Variants in ZAN observed in about 807,000 individuals in gnomAD.
ZAN encodes zonadhesin (gene/pseudogene).
ZAN carries 260 observed loss-of-function variants against 286.2 expected under a neutral mutation model. That is an observed-to-expected ratio of 0.91 (90% CI 0.82 to 1.01). The LOEUF is 1.01. Among genes scored for constraint, ZAN ranks in the 50% least tolerant of loss-of-function variants. ZAN has a pLI of 0.00. For synonymous variants in ZAN, 1,368 were observed against 1,417.5 expected, an observed-to-expected ratio of 0.97 and a Z score of 0.79; for missense variants, 3,410 against 3,639.2, an observed-to-expected ratio of 0.94 and a Z score of 1.62.
intron 7 of ZAN, among the ~76,000 whole-genome samples, chr7:100,745,054 T>G (rs1170855194): frequency 6.6e-6 from 1 of 151,580 alleles, no homozygotes; most frequent in Non-Finnish European, 1.5e-5. Flanking sequence ...CGGCTAATTT[T>G]TGTACTTTTA....
intron 35 of ZAN, among the ~76,000 whole-genome samples, chr7:100,781,216 C>A (rs1811176112): frequency 6.6e-6 from 1 of 151,918 alleles, no homozygotes; most frequent in African/African-American, 2.4e-5. Context: ...TGCAGGCACG[C>A]ACCACCACAC....
rs998689053 is a variant in ZAN, at chr7:100,787,999, C to T, written c.7090C>T (p.Leu2364=). ...TGTTCTGATCAAGACTGTGGACGTA[C>T]TGCCTGAGGGGGTGGAGCCCCTCCT... ...TYVLIKTVDV[L]PEGVEPLLVE... The change falls in exon 38 of 48, where the codon CTG becomes TTG. Residue 2364 remains leucine (L), a synonymous_variant. Transcript: ENST00000613979. 3 of 1,565,330 alleles carry T rather than the reference C, an allele frequency of 1.9e-6. No homozygotes were observed. The highest frequency in any genetic ancestry group is 1.2e-5 in the South Asian group (1 of 85,706).
intron 22 of ZAN, among the ~76,000 whole-genome samples, 174 bp downstream of exon 22, chr7:100,764,370 C>T (rs1413340434): frequency 6.6e-6 from 1 of 152,184 alleles, no homozygotes; most frequent in Non-Finnish European, 1.5e-5. Flanking sequence ...TGGCATATGC[C>T]TGTAGTCCCA....
At position 100,736,929 on chromosome 7, in the gene ZAN, G is replaced by A. The variant is rs1305662603; in HGVS notation, c.374G>A (p.Gly125Glu). 6.0e-6 allele frequency: 9 copies of A among 1,499,578 alleles called. 1 individual carries two copies. In the East Asian group the frequency reaches 2.1e-4, roughly 35 times the overall value. 92.9% of individuals were successfully genotyped at this position (1,499,578 alleles called of 1,614,324 possible). The stretch of plus-strand genomic sequence containing the variant: ...GTGCACTTTGCCCACCACATGTTCG[G>A]GCTGTCTTGGGGCGCCCAGCTCAGG... ...LCVHFAHHMF[G>E]LSWGAQLRLL... The change falls in exon 5 of 48, where the codon GGG becomes GAG. Residue 125 changes from glycine (G) to glutamate (E), a missense_variant. By Grantham distance (98) the Gly-to-Glu change is moderately conservative. This residue lies in a region of ZAN where 872 missense variants were observed against 938.9 expected (regional missense o/e 0.93). Coordinates refer to ENST00000613979, the MANE Select transcript of ZAN (RefSeq NM_003386.3).
chr7:100,755,545 GT>G, intron 15 of ZAN, 135 bp downstream of exon 15: 1 of 988,174 alleles, frequency 1.0e-6, no homozygotes, highest in Non-Finnish European at 1.5e-6. Context: ...AGAAGCAATG[GT>G]TACATGATGG....
At chr7:100,791,161 T>G in intron 40 of ZAN, 48 bp downstream of exon 40, 4 of 1,575,638 alleles carry the variant, frequency 2.5e-6, no homozygotes, top group Non-Finnish European at 3.4e-6. Context: ...CAACAATGTC[T>G]GTGCACGGTG....
At chr7:100,762,745 T>C (rs1809686002) in intron 20 of ZAN, among the ~76,000 whole-genome samples, 1 of 71,456 alleles carries the variant, frequency 1.4e-5, no homozygotes, top group Non-Finnish European at 3.1e-5. Context: ...CCACCCGCCC[T>C]TTTTTTTTTT....
At chr7:100,744,028 GTTC>G (rs1016586385) in intron 7 of ZAN, among the ~76,000 whole-genome samples, 1 of 150,744 alleles carries the variant, frequency 6.6e-6, no homozygotes, top group African/African-American at 2.5e-5. Flanking sequence ...ATATCTCTTT[GTTC>G]TTCTTTTCCC....
In ZAN at chr7:100,768,709, C is replaced by T. The variant is rs771721992; in HGVS notation, c.5141C>T (p.Ser1714Phe). 2 of 1,600,294 alleles carry T rather than the reference C, an allele frequency of 1.2e-6. No individual in the cohort carries two copies. Among genetic ancestry groups the T allele is most frequent in the South Asian group, 2.3e-5 (2 of 88,782 alleles). The change falls in exon 27 of 48, where the codon TCC becomes TTC. Residue 1714 changes from serine to phenylalanine, a missense_variant. Coordinates refer to ENST00000613979, the MANE Select transcript of ZAN (RefSeq NM_003386.3). ...GGGGCCGCCTGGAAGTTACCTGAATCCTCTGAACCTGGGTGAGCTGGGGGT... is the reference window on the plus strand; with the variant it reads ...GGGGCCGCCTGGAAGTTACCTGAATTCTCTGAACCTGGGTGAGCTGGGGGT... Reference protein sequence around the residue: ...QLGAAWKLPESSEPGCFLVGG... With the variant: ...QLGAAWKLPEFSEPGCFLVGG...
chr7:100,738,403 G>T, intron 6 of ZAN, 58 bp from the exon 7 acceptor site: 1 of 1,384,210 alleles, frequency 7.2e-7, no homozygotes, highest in East Asian at 2.6e-5. Flanking sequence ...GGGTGACAGA[G>T]ACCCTGTCTC....
chr7:100,767,909 C>T lies in ZAN; in HGVS notation c.4939C>T (p.Leu1647Phe). The T allele has an allele frequency of 6.2e-7, 1 of 1,613,918 alleles. No homozygotes were observed. The highest frequency in any genetic ancestry group is 1.1e-5 in the South Asian group (1 of 91,074). ...CATAAGGCTCAGCAGCAACCTCGTCCTCCTCTACACGAACTTTGGGCTCCA... is the reference window on the plus strand; with the variant it reads ...CATAAGGCTCAGCAGCAACCTCGTCTTCCTCTACACGAACTTTGGGCTCCA... ...VTIRLSSNLV[L>F]LYTNFGLQVR... The change falls in exon 26 of 48, where the codon CTC (leucine) becomes TTC (phenylalanine). Residue 1647 changes from leucine (L) to phenylalanine (F), a missense_variant. Physicochemically the swap from Leu to Phe is conservative, Grantham distance 22 (BLOSUM62 0). Around this residue, in one of 7 missense-constraint regions of ZAN, gnomAD observed 1,042 missense variants for 1,058.0 expected, o/e 0.98. Coordinates refer to ENST00000613979, the MANE Select transcript of ZAN (RefSeq NM_003386.3).
At position 100,797,559 on chromosome 7, in the gene ZAN, T is replaced by C; in HGVS notation, c.8367-18T>C. 3 of 1,613,838 alleles carry C rather than the reference T, an allele frequency of 1.9e-6. No homozygotes were observed. The highest frequency in any genetic ancestry group is 2.5e-6 in the Non-Finnish European group (3 of 1,179,860). ...AGGGCCACTTGGGGACCCATGTCTA[T>C]TCCCCCATGCCTTCTAGAGAGAAAA... On this transcript the variant is annotated intron_variant, in intron 46 of 47. Transcript: ENST00000613979.
In ZAN at chr7:100,766,566, C is replaced by A. The variant is rs200807096; in HGVS notation, c.4512C>A (p.Cys1504Ter). ...ACAAGCCAGGCTGCAAAGAGTTGTG[C>A]GTCTGTGAAAGCAACAACAGAATTC... The part of the protein sequence containing the change: ...RWYKPGCKEL[C>*]VCESNNRIRC... The change falls in exon 24 of 48, where the codon TGC (cysteine) becomes TGA (stop). Residue 1504 changes from cysteine (C) to a stop codon, truncating the protein, a stop_gained. Transcript: ENST00000613979. LOFTEE classifies it high-confidence loss of function. The A allele has an allele frequency of 6.4e-7, 1 of 1,552,020 alleles. No homozygotes were observed. The highest frequency in any genetic ancestry group is 8.7e-7 in the Non-Finnish European group (1 of 1,147,172).
At chr7:100,765,280 T>C (rs1809873522) in intron 22 of ZAN, 72 bp from the exon 23 acceptor site, 1 of 1,522,590 alleles carries the variant, frequency 6.6e-7, no homozygotes, top group Non-Finnish European at 9.0e-7. Context: ...CTTCCGAACG[T>C]GTCCTTCCTG....
At chr7:100,740,223 T>C (rs1416838532) in intron 7 of ZAN, among the ~76,000 whole-genome samples, 1 of 140,498 alleles carries the variant, frequency 7.1e-6, no homozygotes, top group East Asian at 2.0e-4. Flanking sequence ...GTCAGGACTG[T>C]GGCTTTCCTA....
Position 100,753,227 on chromosome 7 carries a change from C to T in ZAN, c.3122C>T (p.Thr1041Ile), listed in dbSNP as rs78296238. The change falls in exon 14 of 48, where the codon ACA becomes ATA. Residue 1041 changes from threonine (T) to isoleucine (I), a missense_variant and splice_region_variant. Physicochemically the swap from Thr to Ile is moderately conservative, Grantham distance 89. This residue lies in a region of ZAN where 1,042 missense variants were observed against 1,058.0 expected (regional missense o/e 0.98). Coordinates refer to ENST00000613979, the MANE Select transcript of ZAN (RefSeq NM_003386.3). Reference sequence around the variant, plus strand: ...ACTACCACAACCTCCAGATCCAGTACAGGTATGAGGTGGATGGAGCGTGGG... The same window carrying T: ...ACTACCACAACCTCCAGATCCAGTATAGGTATGAGGTGGATGGAGCGTGGG... The part of the protein sequence containing the change: ...LGTTTTSRSS[T>I]ERCPPNARYE... The T allele has an allele frequency of 4.3e-4, 686 of 1,591,768 alleles. 1 individual carries two copies. The African/African-American group carries it at 8.6e-3, about 20-fold the overall frequency.
At chr7:100,738,897 C>T (rs141603887) in intron 7 of ZAN, among the ~76,000 whole-genome samples, 2,362 of 6,860 alleles carry the variant, frequency 0.34, 226 homozygotes, top group Middle Eastern at 0.45. Flanking sequence ...CTCCCTCTCC[C>T]TCTCCCTCTC....
chr7:100,781,079 T>C (rs937413189), intron 35 of ZAN, among the ~76,000 whole-genome samples: 2 of 152,106 alleles, frequency 1.3e-5, no homozygotes, highest in African/African-American at 4.8e-5. Context: ...ATTTTATATA[T>C]ATTTTTTGAG....
rs77975988 is a variant in ZAN at position 100,758,657 on chromosome 7, C to T, written c.3571+7C>T. The T allele has an allele frequency of 4.3e-4, 664 of 1,551,504 alleles. 1 individual carries two copies. In the African/African-American group the frequency reaches 8.5e-3, roughly 20 times the overall value. On this transcript the variant is annotated splice_region_variant and intron_variant, in intron 17 of 47. Coordinates refer to ENST00000613979, the MANE Select transcript of ZAN (RefSeq NM_003386.3). ...CCCTGTGGCAACTCAACAGGTAGGC[C>T]CTGGAGATGCCACTGCGGCCTGGGG... is the stretch of plus-strand genomic sequence containing the variant.
Sources: allele counts gnomAD v4.1 joint callset (sites outside exome capture counted in the v4.1 genomes callset), GRCh38; gene constraint gnomAD v4.1.1; regional missense constraint gnomAD v4.1.1; transcripts MANE v1.5; gene names NCBI Gene and HGNC (gene_info 2026-07-23, HGNC 2026-07-21).